PITPNB: variants seen among roughly 807,000 people sequenced by gnomAD.
The protein encoded by PITPNB is phosphatidylinositol transfer protein beta isoform.
In PITPNB, 16 loss-of-function variants were observed where a neutral mutation model predicts 45.9. The observed-to-expected ratio is 0.35, with a 90% CI of 0.24 to 0.53. The LOEUF (loss-of-function observed/expected upper bound fraction) is 0.53, where lower values mean the gene tolerates loss of function less well. Among genes scored for constraint, PITPNB ranks in the 20% least tolerant of loss-of-function variants. The pLI, the probability that PITPNB is intolerant of heterozygous loss-of-function variation, is 0.93. For missense variants in PITPNB, 188 were observed against 330.5 expected (o/e 0.57, Z 3.34); for synonymous variants, 112 against 108.9 (o/e 1.03, Z -0.18).
intron 7 of PITPNB, among the ~76,000 whole-genome samples, chr22:27,885,512 C>G (rs1390759432): frequency 6.6e-6 from 1 of 152,090 alleles, no homozygotes; most frequent in Non-Finnish European, 1.5e-5. Flanking sequence ...TTAGAAACAA[C>G]ACTCAGAAAT....
chr22:27,916,653 T>A (rs1359528563), intron 1 of PITPNB, among the ~76,000 whole-genome samples: 2 of 151,850 alleles, frequency 1.3e-5, no homozygotes, highest in Admixed American at 6.6e-5. Context: ...ATACAAAAAA[T>A]TTAGCCGGTC....
At chr22:27,868,345 A>G (rs1416265362) in intron 8 of PITPNB, among the ~76,000 whole-genome samples, 3 of 152,072 alleles carry the variant, frequency 2.0e-5, no homozygotes, top group Non-Finnish European at 4.4e-5. Context: ...CTCATCACTC[A>G]CTTCTACTCC....
chr22:27,912,995 A>G (rs1935973824), intron 2 of PITPNB, among the ~76,000 whole-genome samples: 1 of 151,252 alleles, frequency 6.6e-6, no homozygotes, highest in Admixed American at 6.6e-5. Context: ...AAAAAAAAAA[A>G]AAAAAAAAGG....
At chr22:27,884,967 T>G (rs1479385427) in intron 7 of PITPNB, among the ~76,000 whole-genome samples, 1 of 151,756 alleles carries the variant, frequency 6.6e-6, no homozygotes, top group African/African-American at 2.4e-5. Context: ...TACAATCCTT[T>G]CTTGTTATAC....
At chr22:27,896,341 A>C (rs1935430569) in intron 6 of PITPNB, among the ~76,000 whole-genome samples, 1 of 152,232 alleles carries the variant, frequency 6.6e-6, no homozygotes, top group African/African-American at 2.4e-5. Context: ...GTTGCTGATC[A>C]AAACAGCAAC....
chr22:27,890,142 G>A (rs912636716), intron 7 of PITPNB, among the ~76,000 whole-genome samples: 1 of 152,052 alleles, frequency 6.6e-6, no homozygotes, highest in Admixed American at 6.6e-5. Flanking sequence ...TGCACCACTA[G>A]ATTTCACAGT....
chr22:27,900,429 ATTTC>A (rs1217308465), intron 3 of PITPNB, among the ~76,000 whole-genome samples: 4 of 152,176 alleles, frequency 2.6e-5, no homozygotes, highest in Admixed American at 1.3e-4. Context: ...AAATTTTAAT[ATTTC>A]TTTATCTCGC....
At chr22:27,901,040 C>A (rs1376485411) in intron 3 of PITPNB, among the ~76,000 whole-genome samples, 4 of 152,086 alleles carry the variant, frequency 2.6e-5, no homozygotes, top group African/African-American at 7.2e-5. Context: ...GTTGTCCTCC[C>A]AAACTATTCA....
At chr22:27,911,376 A>C (rs1935915948) in intron 2 of PITPNB, among the ~76,000 whole-genome samples, 1 of 152,224 alleles carries the variant, frequency 6.6e-6, no homozygotes, top group Admixed American at 6.5e-5. Context: ...TGGTGCCTTT[A>C]CACTACCCAT....
chr22:27,868,042 C>T (rs979095954), intron 8 of PITPNB, among the ~76,000 whole-genome samples: 37 of 152,184 alleles, frequency 2.4e-4, no homozygotes, highest in Admixed American at 5.9e-4. Flanking sequence ...CTTTATTATA[C>T]ATAATCCAAA....
chr22:27,872,098 T>G (rs1455792770), intron 8 of PITPNB, among the ~76,000 whole-genome samples: 1 of 141,266 alleles, frequency 7.1e-6, no homozygotes, highest in Non-Finnish European at 1.5e-5. Flanking sequence ...TTTTTTTTTT[T>G]TTTTTTTTTT....
chr22:27,912,086 A>C (rs1339104470), intron 2 of PITPNB, among the ~76,000 whole-genome samples: 2 of 152,100 alleles, frequency 1.3e-5, no homozygotes, highest in Non-Finnish European at 2.9e-5. Context: ...TTTCTTCTTT[A>C]TAAGCATATT....
At chr22:27,898,006 T>A in intron 3 of PITPNB, 114 bp from the exon 4 acceptor site, 2 of 708,030 alleles carry the variant, frequency 2.8e-6, no homozygotes, top group Non-Finnish European at 5.2e-6. Flanking sequence ...CTAAGTCTGA[T>A]GAACTAGTTT....
At chr22:27,898,402 A>G (rs1038517136) in intron 3 of PITPNB, among the ~76,000 whole-genome samples, 7 of 151,784 alleles carry the variant, frequency 4.6e-5, no homozygotes, top group African/African-American at 1.7e-4. Context: ...TAACTGTATA[A>G]AAGGTTTTGT....
chr22:27,904,534 T>C (rs1935703865), intron 3 of PITPNB, among the ~76,000 whole-genome samples: 1 of 152,254 alleles, frequency 6.6e-6, no homozygotes. Flanking sequence ...GAAAATGTTC[T>C]GAAATTAAGT....
chr22:27,917,459 T>C (rs1437258096), intron 1 of PITPNB, among the ~76,000 whole-genome samples: 1 of 152,268 alleles, frequency 6.6e-6, no homozygotes, highest in East Asian at 1.9e-4. Flanking sequence ...GCCACCCATC[T>C]ACCCACATCA....
intron 6 of PITPNB, 141 bp downstream of exon 6, chr22:27,896,411 T>C: frequency 1.5e-6 from 1 of 677,534 alleles, no homozygotes; most frequent in South Asian, 1.6e-5. Flanking sequence ...TTCTGGCTGC[T>C]TGCCCGCCTC....
At chr22:27,900,247 G>A (rs570378981) in intron 3 of PITPNB, among the ~76,000 whole-genome samples, 2 of 151,346 alleles carry the variant, frequency 1.3e-5, no homozygotes, top group Non-Finnish European at 2.9e-5. Flanking sequence ...CAAAAAGGCA[G>A]GAGAAACAAT....
chr22:27,870,338 A>C (rs138750832), intron 8 of PITPNB, among the ~76,000 whole-genome samples: 1 of 152,230 alleles, frequency 6.6e-6, no homozygotes, highest in Admixed American at 6.5e-5. Context: ...ACAGGAAGTA[A>C]ATACTGCAAT....
Sources: gnomAD v4.1 joint callset for allele counts (sites outside exome capture counted in the v4.1 genomes callset) on GRCh38, gnomAD v4.1.1 for gene constraint, MANE v1.5 for transcripts, NCBI Gene and HGNC (gene_info 2026-07-23, HGNC 2026-07-21) for gene names.